Variants in GPC3 observed in about 807,000 individuals in gnomAD.
GPC3 encodes glypican-3.
In GPC3, 3 loss-of-function variants were observed where a neutral mutation model predicts 34.4. That is an observed-to-expected ratio of 0.09 (90% CI 0.04 to 0.23). The LOEUF is 0.23. Among genes scored for constraint, GPC3 ranks in the 10% least tolerant of loss-of-function variants. The pLI is 1.00. For missense variants in GPC3, 351 were observed against 445.6 expected, an observed-to-expected ratio of 0.79 and a Z score of 1.91; for synonymous variants, 177 against 174.0, an observed-to-expected ratio of 1.02 and a Z score of -0.13.
chrX:133,985,502 G>A lies in GPC3; in HGVS notation c.-53C>T. The A allele has an allele frequency of 9.1e-7, 1 of 1,096,553 alleles. No individual in the cohort carries two copies. The highest frequency in any genetic ancestry group is 3.3e-5 in the East Asian group (1 of 30,444). 90.4% of individuals were successfully genotyped at this position (1,096,553 alleles called of 1,213,427 possible). A position where few individuals can be genotyped will look rare whatever the true frequency, so the allele number is the denominator to read the frequency against. Reference sequence around the variant, plus strand: ...CGGGAGAGTGGCAGCCGGAGCGAGAGCAGTCCCAGGACTCGGCAAGCCTGG... The same window carrying A: ...CGGGAGAGTGGCAGCCGGAGCGAGAACAGTCCCAGGACTCGGCAAGCCTGG... On this transcript the variant is annotated 5_prime_UTR_variant, in exon 1 of 8. Coordinates refer to ENST00000370818, the MANE Select transcript of GPC3 (RefSeq NM_004484.4).
At chrX:133,826,676 A>G in intron 2 of GPC3, among the ~76,000 whole-genome samples, 1 of 111,748 alleles carries the variant, frequency 8.9e-6, no homozygotes, top group Non-Finnish European at 1.9e-5. Flanking sequence ...GAAAAAATCA[A>G]TCTACACATC....
chrX:133,798,917 T>A (rs374438863), intron 2 of GPC3, among the ~76,000 whole-genome samples: 2 of 111,902 alleles, frequency 1.8e-5, no homozygotes, highest in East Asian at 5.6e-4. Context: ...CGTCAGCACA[T>A]TAAAGTAGCA....
chrX:133,686,704 A>G (rs1468938689), intron 5 of GPC3, among the ~76,000 whole-genome samples: 4 of 109,091 alleles, frequency 3.7e-5, no homozygotes, highest in Non-Finnish European at 7.6e-5. Flanking sequence ...AACATTGTGA[A>G]TGGACTAAAT....
At chrX:133,959,528 T>C (rs1450407108) in intron 1 of GPC3, among the ~76,000 whole-genome samples, 1 of 112,308 alleles carries the variant, frequency 8.9e-6, no homozygotes, top group Non-Finnish European at 1.9e-5. Context: ...ATTCCTCAGG[T>C]CAAGTTGTTT....
intron 1 of GPC3, among the ~76,000 whole-genome samples, chrX:133,972,657 C>T (rs1055587761): frequency 3.6e-5 from 4 of 112,227 alleles, no homozygotes; most frequent in Non-Finnish European, 7.5e-5. Context: ...GGCATGCACG[C>T]CAAGGCCATA....
At chrX:133,733,262 T>C (rs1003092321) in intron 3 of GPC3, among the ~76,000 whole-genome samples, 8 of 110,369 alleles carry the variant, frequency 7.2e-5, no homozygotes, top group Non-Finnish European at 1.3e-4. Flanking sequence ...TGCAAAGTGA[T>C]ATAATGGACT....
At chrX:133,678,155 A>C (rs1360273084) in intron 5 of GPC3, among the ~76,000 whole-genome samples, 1 of 111,924 alleles carries the variant, frequency 8.9e-6, no homozygotes, top group Non-Finnish European at 1.9e-5. Flanking sequence ...TGTCTGCTTC[A>C]AAAGGCTGTT....
intron 7 of GPC3, among the ~76,000 whole-genome samples, chrX:133,554,126 G>A (rs2069463478): frequency 9.3e-6 from 1 of 108,049 alleles, no homozygotes; most frequent in Admixed American, 1.0e-4. Context: ...TGATTCTCCT[G>A]CCTCAGCCCC....
At chrX:133,556,833 A>G (rs2069494275) in intron 7 of GPC3, among the ~76,000 whole-genome samples, 1 of 105,556 alleles carries the variant, frequency 9.5e-6, no homozygotes, top group Admixed American at 1.0e-4. Context: ...ATGACGAGTT[A>G]ATGGGTGCAG....
At chrX:133,862,102 T>G (rs2075939628) in intron 2 of GPC3, among the ~76,000 whole-genome samples, 1 of 109,618 alleles carries the variant, frequency 9.1e-6, no homozygotes, top group Non-Finnish European at 1.9e-5. Context: ...ACTCAATAAT[T>G]GAGGAATGTT....
intron 2 of GPC3, among the ~76,000 whole-genome samples, chrX:133,897,061 C>T (rs950176082): frequency 1.8e-5 from 2 of 109,292 alleles, no homozygotes; most frequent in Admixed American, 9.8e-5. Context: ...CGCCCACAAC[C>T]ACGCCCAGCT....
intron 6 of GPC3, among the ~76,000 whole-genome samples, chrX:133,599,485 T>C (rs1046377389): frequency 5.4e-5 from 6 of 111,625 alleles, no homozygotes; most frequent in Non-Finnish European, 9.4e-5. Context: ...ATTGTGCAAA[T>C]ATCAACACAG....
At chrX:133,621,845 A>G (rs2070235833) in intron 6 of GPC3, among the ~76,000 whole-genome samples, 2 of 112,312 alleles carry the variant, frequency 1.8e-5, no homozygotes, top group Admixed American at 1.9e-4. Flanking sequence ...GAACAGACAG[A>G]CTGCCTCCTC....
At chrX:133,691,796 C>A (rs773007993) in intron 5 of GPC3, among the ~76,000 whole-genome samples, 1 of 111,606 alleles carries the variant, frequency 9.0e-6, no homozygotes, top group East Asian at 2.8e-4. Flanking sequence ...AAATAAGGAC[C>A]CACATAATGA....
At chrX:133,766,890 G>A (rs768237736) in intron 2 of GPC3, among the ~76,000 whole-genome samples, 1 of 112,302 alleles carries the variant, frequency 8.9e-6, no homozygotes, top group South Asian at 3.7e-4. Context: ...CATCTGCCAG[G>A]CAGTGTTTCA....
intron 2 of GPC3, among the ~76,000 whole-genome samples, chrX:133,898,499 G>T (rs1013751676): frequency 1.8e-5 from 2 of 111,432 alleles, no homozygotes; most frequent in Non-Finnish European, 3.8e-5. Flanking sequence ...CAGATATTTG[G>T]GTGGCAAATT....
At chrX:133,838,655 A>G (rs2075810071) in intron 2 of GPC3, among the ~76,000 whole-genome samples, 1 of 112,108 alleles carries the variant, frequency 8.9e-6, no homozygotes, top group Non-Finnish European at 1.9e-5. Context: ...TTCTTCTTCA[A>G]ATGTGGATTC....
chrX:133,558,884 C>T (rs2069516993), intron 7 of GPC3, among the ~76,000 whole-genome samples: 2 of 105,291 alleles, frequency 1.9e-5, no homozygotes, highest in South Asian at 8.7e-4. Context: ...GAGCAAGACT[C>T]TGTCTCAAAA....
intron 1 of GPC3, among the ~76,000 whole-genome samples, chrX:133,982,051 T>C (rs1408991707): frequency 8.9e-6 from 1 of 112,042 alleles, no homozygotes; most frequent in Non-Finnish European, 1.9e-5. Flanking sequence ...TGAATTACAC[T>C]TGATTTTTGT....
Sources: allele counts gnomAD v4.1 joint callset (sites outside exome capture counted in the v4.1 genomes callset), GRCh38; gene constraint gnomAD v4.1.1; transcripts MANE v1.5; gene names NCBI Gene and HGNC (gene_info 2026-07-23, HGNC 2026-07-21).